The following CLDN10 variants were observed in gnomAD, a reference collection of about 807,000 sequenced individuals.
CLDN10 encodes claudin 10, also known as claudin-10.
In CLDN10, 15 loss-of-function variants were observed where a neutral mutation model predicts 22.9. The observed-to-expected ratio is 0.65, with a 90% CI of 0.44 to 1.01. CLDN10 has a LOEUF of 1.01. CLDN10 is among the 50% of genes least tolerant of loss of function. The pLI, the probability that CLDN10 is intolerant of heterozygous loss-of-function variation, is 0.00. For synonymous variants in CLDN10, 114 were observed against 111.4 expected (o/e 1.02, Z -0.15); for missense variants, 247 against 287.8 (o/e 0.86, Z 1.03).
chr13:95,527,811 G>T (rs973236944), intron 1 of CLDN10, among the ~76,000 whole-genome samples: 9 of 152,318 alleles, frequency 5.9e-5, no homozygotes, highest in Middle Eastern at 3.4e-3. Context: ...ATCTTATGGT[G>T]AAATATTCTA....
intron 1 of CLDN10, among the ~76,000 whole-genome samples, chr13:95,459,012 T>C (rs941123070): frequency 1.2e-4 from 19 of 152,204 alleles, no homozygotes; most frequent in African/African-American, 4.1e-4. Flanking sequence ...ACAGACCCCA[T>C]GCAAGTCCAA....
chr13:95,530,929 C>CTT (rs1269039220), intron 1 of CLDN10, among the ~76,000 whole-genome samples: 36 of 141,776 alleles, frequency 2.5e-4, no homozygotes, highest in African/African-American at 7.4e-4. Flanking sequence ...ATCATCTTTC[C>CTT]TTTTTTTTTT....
rs1465102726 is a variant in CLDN10 at position 95,559,721 on chromosome 13, GA to G, written c.221-410del. ...ATGAGCGGAGGAGCTACAGAGTTGTGATGGTGGCAGATGATGTTTTTTCACA... is the reference window on the plus strand; with the variant it reads ...ATGAGCGGAGGAGCTACAGAGTTGTGTGGTGGCAGATGATGTTTTTTCACA... On this transcript the variant is annotated intron_variant, in intron 1 of 4. Coordinates refer to ENST00000299339, the MANE Select transcript of CLDN10 (RefSeq NM_006984.5). Among the ~76,000 whole-genome samples the G allele has an allele frequency of 2.0e-5, 3 of 152,188 alleles. No homozygotes were observed. The East Asian group carries it at 5.8e-4, about 29-fold the overall frequency.
Position 95,495,760 on chromosome 13 carries a change from A to AAAAAAAAG in CLDN10, c.214+61716_214+61717insAAAAGAAA, listed in dbSNP as rs1162651391. 3.2e-3 allele frequency among the ~76,000 whole-genome samples: 414 copies of AAAAAAAAG among 129,286 alleles called. 4 individuals are homozygous for AAAAAAAAG. Among genetic ancestry groups the AAAAAAAAG allele is most frequent in the South Asian group, 5.8e-3 (24 of 4,140 alleles). 84.8% of individuals were successfully genotyped at this position (129,286 alleles called of 152,430 possible). The stretch of plus-strand genomic sequence containing the variant: ...CTCCACCTCAAAAAAAAAAAAAAAG[A>AAAAAAAAG]AAAGAAAGAAAGAAAGAAAGAAATG... On this transcript the variant is annotated intron_variant, in intron 1 of 4. Transcript: ENST00000376873.
At position 95,497,558 on chromosome 13, in the gene CLDN10, T is replaced by G. The variant is rs566028322; in HGVS notation, c.215-62574T>G. On this transcript the variant is annotated intron_variant, in intron 1 of 4. Transcript: ENST00000376873. ...ATCCTCCCGGCTTTGTGCAGATAGATTTGGACTCGTGGTAGTGTCATCTTT... is the reference window on the plus strand; with the variant it reads ...ATCCTCCCGGCTTTGTGCAGATAGAGTTGGACTCGTGGTAGTGTCATCTTT... 2.0e-5 allele frequency among the ~76,000 whole-genome samples: 3 copies of G among 152,270 alleles called. No homozygotes were observed. The South Asian group carries it at 6.2e-4, about 32-fold the overall frequency.
chr13:95,546,870 T>C (rs2043514762), intron 1 of CLDN10, among the ~76,000 whole-genome samples: 1 of 152,136 alleles, frequency 6.6e-6, no homozygotes, highest in South Asian at 2.1e-4. Flanking sequence ...TCTTCTCTTC[T>C]TTATCTTTAT....
chr13:95,514,118 C>T (rs960384758), intron 1 of CLDN10, among the ~76,000 whole-genome samples: 1 of 152,118 alleles, frequency 6.6e-6, no homozygotes, highest in South Asian at 2.1e-4. Flanking sequence ...ATTAGCCAGG[C>T]ATGGTGGTGC....
At chr13:95,513,787 A>C (rs964580502) in intron 1 of CLDN10, among the ~76,000 whole-genome samples, 4 of 149,554 alleles carry the variant, frequency 2.7e-5, no homozygotes, top group African/African-American at 9.7e-5. Flanking sequence ...CTGTCTATAA[A>C]ATCTGTGTCT....
At chr13:95,460,428 C>T (rs911288734) in intron 1 of CLDN10, among the ~76,000 whole-genome samples, 1 of 152,194 alleles carries the variant, frequency 6.6e-6, no homozygotes, top group Non-Finnish European at 1.5e-5. Flanking sequence ...TTAATTGACT[C>T]ATGGTTCCTG....
At chr13:95,554,193 T>C (rs1166327837) in intron 1 of CLDN10, among the ~76,000 whole-genome samples, 2 of 152,090 alleles carry the variant, frequency 1.3e-5, no homozygotes, top group Non-Finnish European at 2.9e-5. Context: ...GCCGGAACAG[T>C]GTTTATTCCC....
intron 1 of CLDN10, among the ~76,000 whole-genome samples, chr13:95,489,481 T>G (rs894240158): frequency 6.6e-6 from 1 of 152,180 alleles, no homozygotes; most frequent in Non-Finnish European, 1.5e-5. Context: ...TCATTGGTGA[T>G]GTTGAGCATT....
In CLDN10 at chr13:95,495,375, C is replaced by G. The variant is rs913490251; in HGVS notation, c.214+61328C>G. On this transcript the variant is annotated intron_variant, in intron 1 of 4. Transcript: ENST00000376873. Reference sequence around the variant, plus strand: ...TTAGCAAATATTTATTGGGTATTACCAGGACTAAACAAGATCTTGTTCCCT... The same window carrying G: ...TTAGCAAATATTTATTGGGTATTACGAGGACTAAACAAGATCTTGTTCCCT... Among the ~76,000 whole-genome samples the G allele has an allele frequency of 2.0e-5, 3 of 151,572 alleles. 1 individual carries two copies. The highest frequency in any genetic ancestry group is 2.9e-5 in the Non-Finnish European group (2 of 67,918).
intron 1 of CLDN10, among the ~76,000 whole-genome samples, chr13:95,474,970 C>T (rs9584311): frequency 0.014 from 2,145 of 152,232 alleles, 61 homozygotes; most frequent in African/African-American, 0.049. Context: ...TGCCAGTATA[C>T]GTCTCACATC....
intron 1 of CLDN10, among the ~76,000 whole-genome samples, chr13:95,545,304 G>A (rs1038070347): frequency 2.0e-5 from 3 of 151,752 alleles, no homozygotes; most frequent in Non-Finnish European, 4.4e-5. Flanking sequence ...AGCACTTTGG[G>A]AGGCCAAGGC....
chr13:95,516,761 C>T (rs1476593294), intron 1 of CLDN10, among the ~76,000 whole-genome samples: 6 of 152,046 alleles, frequency 3.9e-5, no homozygotes, highest in Admixed American at 1.3e-4. Context: ...CAGAAGGGCA[C>T]GGAGGGGAAT....
chr13:95,538,670 C>A (rs1344850907), intron 1 of CLDN10, among the ~76,000 whole-genome samples: 1 of 152,164 alleles, frequency 6.6e-6, no homozygotes, highest in African/African-American at 2.4e-5. Context: ...ATCTCTTCTT[C>A]TATAGGGTAG....
intron 1 of CLDN10, among the ~76,000 whole-genome samples, chr13:95,516,973 TC>T (rs1433843842): frequency 4.1e-3 from 3 of 740 alleles, no homozygotes; most frequent in Non-Finnish European, 0.016. Context: ...ATTCTCTCCT[TC>T]CTTCCTTCCT....
chr13:95,482,448 G>A (rs1056983345), intron 1 of CLDN10, among the ~76,000 whole-genome samples: 1 of 152,052 alleles, frequency 6.6e-6, no homozygotes, highest in South Asian at 2.1e-4. Flanking sequence ...GGCAGAAAGG[G>A]TCTAGAGCCT....
At chr13:95,535,554 T>C (rs1356527393) in intron 1 of CLDN10, among the ~76,000 whole-genome samples, 1 of 146,208 alleles carries the variant, frequency 6.8e-6, no homozygotes, top group Non-Finnish European at 1.5e-5. Context: ...GTGGAGAAAA[T>C]ACAGAAGGGA....
Sources: gnomAD v4.1 joint callset for allele counts (sites outside exome capture counted in the v4.1 genomes callset) on GRCh38, gnomAD v4.1.1 for gene constraint, MANE v1.5 for transcripts, NCBI Gene and HGNC (gene_info 2026-07-23, HGNC 2026-07-21) for gene names.